Variants in PRKN observed in about 807,000 individuals in gnomAD.
The protein encoded by PRKN is E3 ubiquitin-protein ligase parkin.
Under a neutral mutation model 59.5 loss-of-function variants are expected in PRKN, and 56 were observed. The ratio of observed to expected loss-of-function variants is 0.94; its 90% CI spans 0.76 to 1.18. The LOEUF is 1.18. Ranked by LOEUF, PRKN falls within the 50% of genes most tolerant of loss-of-function variation. PRKN has a pLI of 0.00. For synonymous variants in PRKN, 250 were observed against 222.1 expected, an observed-to-expected ratio of 1.13 and a Z score of -1.12; for missense variants, 657 against 596.4, an observed-to-expected ratio of 1.10 and a Z score of -1.06.
chr6:161,639,809 T>C (rs1783671544), intron 7 of PRKN, among the ~76,000 whole-genome samples: 1 of 152,212 alleles, frequency 6.6e-6, no homozygotes, highest in African/African-American at 2.4e-5. Context: ...ATTTATTGGA[T>C]TCCCTCATCC....
intron 6 of PRKN, among the ~76,000 whole-genome samples, chr6:161,948,087 G>A (rs921807973): frequency 6.6e-6 from 1 of 152,094 alleles, no homozygotes; most frequent in African/African-American, 2.4e-5. Flanking sequence ...CCAGGTTCAA[G>A]CGCTTCTCCT....
In PRKN at chr6:161,359,354, G is replaced by T. The variant is rs1328363798; in HGVS notation, c.1285+734C>A. On this transcript the variant is annotated intron_variant, in intron 11 of 11. Transcript: ENST00000366898. This position sits in a 1 kb window ranked among gnomAD's most constrained non-coding sequence, Gnocchi z 5.4. ...GAGGCTTGAGTGCCCATCCTGGGAT[G>T]GCCGGGCTTCCCTCCCGCAAGTCAG... Among the ~76,000 whole-genome samples the T allele has an allele frequency of 6.6e-6, 1 of 152,222 alleles. No homozygotes were observed. The highest frequency in any genetic ancestry group is 1.5e-5 in the Non-Finnish European group (1 of 68,040).
At chr6:161,926,935 T>A (rs930194038) in intron 6 of PRKN, among the ~76,000 whole-genome samples, 4 of 152,170 alleles carry the variant, frequency 2.6e-5, no homozygotes, top group Non-Finnish European at 5.9e-5. Flanking sequence ...CTCTAAATTT[T>A]GCTTCTCCTT....
At chr6:161,583,659 C>T (rs561405215) in intron 7 of PRKN, among the ~76,000 whole-genome samples, 2 of 152,218 alleles carry the variant, frequency 1.3e-5, no homozygotes, top group East Asian at 1.9e-4. Context: ...TCCTAGATAA[C>T]TCATTGCATG....
chr6:162,153,191 G>A (rs902215466), intron 4 of PRKN, among the ~76,000 whole-genome samples: 1 of 152,242 alleles, frequency 6.6e-6, no homozygotes, highest in African/African-American at 2.4e-5. Flanking sequence ...CCCCTCACAG[G>A]AGGGAGCGTG....
chr6:161,704,480 CTTT>C (rs1414858072), intron 7 of PRKN, among the ~76,000 whole-genome samples: 3 of 152,230 alleles, frequency 2.0e-5, no homozygotes, highest in African/African-American at 4.8e-5. Flanking sequence ...GGTTTTTCTT[CTTT>C]ATCTCACCCG....
At chr6:162,458,413 C>T (rs1482814706) in intron 1 of PRKN, among the ~76,000 whole-genome samples, 3 of 142,070 alleles carry the variant, frequency 2.1e-5, no homozygotes, top group Non-Finnish European at 4.5e-5. Context: ...GTGATAAGAG[C>T]GAGACTCCAT....
chr6:162,657,447 ATG>A (rs1778685133), intron 1 of PRKN, among the ~76,000 whole-genome samples: 1 of 152,094 alleles, frequency 6.6e-6, no homozygotes, highest in Non-Finnish European at 1.5e-5. Context: ...TTCCATCAAT[ATG>A]TGTTTTATTA....
At chr6:162,709,841 T>TA (rs1403814482) in intron 1 of PRKN, among the ~76,000 whole-genome samples, 1 of 112,400 alleles carries the variant, frequency 8.9e-6, no homozygotes, top group Admixed American at 1.3e-4. Context: ...TCCAGGAATA[T>TA]AAAAAAATCT....
intron 2 of PRKN, among the ~76,000 whole-genome samples, chr6:162,334,181 T>C (rs1158484174): frequency 6.6e-6 from 1 of 152,226 alleles, no homozygotes; most frequent in Non-Finnish European, 1.5e-5. Context: ...CAAATGCTGC[T>C]GTAGAAGCTG....
At chr6:162,320,471 AT>A (rs1283318960) in intron 2 of PRKN, among the ~76,000 whole-genome samples, 11 of 149,584 alleles carry the variant, frequency 7.4e-5, no homozygotes, top group Admixed American at 2.0e-4. Flanking sequence ...AAAAAAAAAA[AT>A]ATATGAAAAG....
rs1206505863 is a variant in PRKN, at chr6:161,347,705, C to G, written c.*2394G>C. ...TGATCTCGGCTCACTGCAACCTCTG[C>G]CCCCCGGGTTCAAGTGATTCTCCTG... On this transcript the variant is annotated 3_prime_UTR_variant, in exon 12 of 12. Transcript: ENST00000366898. 6.7e-6 allele frequency: 1 copy of G among 148,392 alleles called. No individual in the cohort carries two copies. The highest frequency in any genetic ancestry group is 1.5e-5 in the Non-Finnish European group (1 of 67,568). 9.2% of individuals were successfully genotyped at this position (148,392 alleles called of 1,614,324 possible). A position where few individuals can be genotyped will look rare whatever the true frequency, so the allele number is the denominator to read the frequency against.
At position 162,308,615 on chromosome 6, in the gene PRKN, C is replaced by A. The variant is rs140932176; in HGVS notation, c.172-45850G>T. On this transcript the variant is annotated intron_variant, in intron 2 of 11. Coordinates refer to ENST00000366898, the MANE Select transcript of PRKN (RefSeq NM_004562.3). ...ATAAACTATCCTATTGCATACCTCC[C>A]AACTTTTGCCATTTGTGGTAATGTA... Among the ~76,000 whole-genome samples the A allele has an allele frequency of 3.7e-3, 564 of 152,158 alleles. 7 individuals carry two copies. Among genetic ancestry groups the A allele is most frequent in the African/African-American group, 0.013 (548 of 41,512 alleles).
intron 7 of PRKN, among the ~76,000 whole-genome samples, chr6:161,657,212 C>A: frequency 6.7e-6 from 1 of 149,876 alleles, no homozygotes; most frequent in African/African-American, 2.5e-5. Flanking sequence ...TTCTCTTTGA[C>A]CCCCACATCT....
intron 5 of PRKN, among the ~76,000 whole-genome samples, chr6:162,008,754 G>A (rs541979140): frequency 6.6e-6 from 1 of 152,114 alleles, no homozygotes; most frequent in Non-Finnish European, 1.5e-5. Context: ...CATGGCCCCA[G>A]TGAATTAGAT....
At position 161,597,163 on chromosome 6, in the gene PRKN, G is replaced by A. The variant is rs115190597; in HGVS notation, c.872-27747C>T. Among the ~76,000 whole-genome samples, 448 of 152,288 alleles carry A rather than the reference G, an allele frequency of 2.9e-3. 1 individual carries two copies. The highest frequency in any genetic ancestry group is 0.01 in the African/African-American group (429 of 41,552). ...CTTGAGCTGCAGCACCTGTGGGCAT[G>A]GGGTGATGAACACATGCCGAAAGGA... is the stretch of plus-strand genomic sequence containing the variant. On this transcript the variant is annotated intron_variant, in intron 7 of 11. Coordinates refer to ENST00000366898, the MANE Select transcript of PRKN (RefSeq NM_004562.3).
intron 3 of PRKN, among the ~76,000 whole-genome samples, chr6:162,224,277 T>C (rs1778069147): frequency 6.6e-6 from 1 of 152,202 alleles, no homozygotes; most frequent in African/African-American, 2.4e-5. Flanking sequence ...GTATTTTTAC[T>C]GTACTTTTTC....
intron 7 of PRKN, among the ~76,000 whole-genome samples, chr6:161,720,309 C>T (rs1397798748): frequency 1.3e-5 from 2 of 152,150 alleles, no homozygotes; most frequent in Non-Finnish European, 2.9e-5. Flanking sequence ...AGCAGCCCTA[C>T]CACAGGTAAC....
intron 1 of PRKN, among the ~76,000 whole-genome samples, chr6:162,658,878 A>T (rs1392110475): frequency 6.6e-6 from 1 of 152,070 alleles, no homozygotes; most frequent in Non-Finnish European, 1.5e-5. Context: ...GGATTTTTAA[A>T]TGGGTGCATG....
Sources: allele counts gnomAD v4.1 joint callset (sites outside exome capture counted in the v4.1 genomes callset), GRCh38; gene constraint gnomAD v4.1.1; non-coding constraint Gnocchi (gnomAD v3.1); transcripts MANE v1.5; gene names NCBI Gene and HGNC (gene_info 2026-07-23, HGNC 2026-07-21).